KAT6B: variants seen among roughly 807,000 people sequenced by gnomAD.
The protein encoded by KAT6B is lysine acetyltransferase 6B, also known as histone acetyltransferase KAT6B.
KAT6B carries 10 observed loss-of-function variants against 187.5 expected under a neutral mutation model. The ratio of observed to expected loss-of-function variants is 0.05; its 90% CI spans 0.03 to 0.09. The LOEUF is 0.09. Among genes scored for constraint, KAT6B ranks in the 10% least tolerant of loss-of-function variants. The probability of loss-of-function intolerance (pLI) is 1.00; values close to 1 mark genes in which losing one functional copy is unlikely to be tolerated. For missense variants in KAT6B, 1,952 were observed against 2,558.9 expected (o/e 0.76, Z 5.12); for synonymous variants, 861 against 926.8 (o/e 0.93, Z 1.29).
At chr10:74,919,278 T>A (rs1847938841) in intron 3 of KAT6B, among the ~76,000 whole-genome samples, 1 of 152,208 alleles carries the variant, frequency 6.6e-6, no homozygotes, top group Non-Finnish European at 1.5e-5. Context: ...GAAGTTTTTG[T>A]ACAATATATC....
intron 3 of KAT6B, among the ~76,000 whole-genome samples, chr10:74,955,120 T>C (rs1433813147): frequency 2.6e-5 from 4 of 152,192 alleles, no homozygotes; most frequent in Non-Finnish European, 4.4e-5. Flanking sequence ...ATGTACATTC[T>C]CCCATATACT....
chr10:74,970,554 G>A (rs901054829), intron 6 of KAT6B, among the ~76,000 whole-genome samples: 2 of 152,066 alleles, frequency 1.3e-5, no homozygotes, highest in African/African-American at 2.4e-5. Flanking sequence ...TTTTGAACAC[G>A]AGCATCTGAA....
At chr10:74,890,790 T>C (rs1845595790) in intron 3 of KAT6B, among the ~76,000 whole-genome samples, 2 of 152,244 alleles carry the variant, frequency 1.3e-5, no homozygotes, top group African/African-American at 4.8e-5. Context: ...TGGTTTGATT[T>C]TTAAAATACA....
At chr10:75,020,381 T>C (rs1053168357) in intron 13 of KAT6B, among the ~76,000 whole-genome samples, 1 of 152,198 alleles carries the variant, frequency 6.6e-6, no homozygotes, top group Non-Finnish European at 1.5e-5. Flanking sequence ...TGACTTAGAG[T>C]GCCACTGTCA....
At chr10:74,883,040 T>G (rs1844972114) in intron 3 of KAT6B, among the ~76,000 whole-genome samples, 1 of 152,228 alleles carries the variant, frequency 6.6e-6, no homozygotes, top group African/African-American at 2.4e-5. Context: ...AGAGAGTGAC[T>G]CATGTACTGT....
intron 3 of KAT6B, among the ~76,000 whole-genome samples, chr10:74,858,099 C>T (rs12254441): frequency 0.25 from 38,271 of 151,622 alleles, 6,229 homozygotes; most frequent in Non-Finnish European, 0.37. Flanking sequence ...AGCTGAAGGC[C>T]GGGGGTCAAG....
intron 3 of KAT6B, among the ~76,000 whole-genome samples, chr10:74,844,433 A>T (rs1841962437): frequency 6.6e-6 from 1 of 152,220 alleles, no homozygotes; most frequent in South Asian, 2.1e-4. Flanking sequence ...TCCTGACTTC[A>T]GGTGATCCAC....
chr10:74,831,648 T>G (rs1404730393), intron 1 of KAT6B, among the ~76,000 whole-genome samples: 10 of 152,342 alleles, frequency 6.6e-5, no homozygotes, highest in African/African-American at 1.9e-4. Context: ...TCAGCCAGAT[T>G]AGATTTTACA....
Position 74,845,535 on chromosome 10 carries a change from A to C in KAT6B, c.621+2057A>C, listed in dbSNP as rs534121640. ...AGACTCTGTCTCAAAAAAAAAAAAA[A>C]AAACAAAAAAAAAAAGAAGGAAAGA... On this transcript the variant is annotated intron_variant, in intron 3 of 17. Transcript: ENST00000287239. Among the ~76,000 whole-genome samples, 34 of 149,498 alleles carry C rather than the reference A, an allele frequency of 2.3e-4. 1 individual carries two copies. In the East Asian group the frequency reaches 6.7e-3, roughly 29 times the overall value.
intron 4 of KAT6B, among the ~76,000 whole-genome samples, chr10:74,968,306 T>C (rs1471171537): frequency 3.3e-5 from 5 of 152,210 alleles, no homozygotes; most frequent in African/African-American, 4.8e-5. Context: ...TGCATCTGCC[T>C]GGGTGTCTCT....
intron 1 of KAT6B, among the ~76,000 whole-genome samples, chr10:74,835,935 A>C (rs942304300): frequency 2.6e-5 from 4 of 152,174 alleles, no homozygotes; most frequent in African/African-American, 9.6e-5. Flanking sequence ...GTTCCAAAAC[A>C]TTTTTATTGA....
chr10:74,836,785 A>G (rs974002095), intron 1 of KAT6B, among the ~76,000 whole-genome samples: 1 of 152,204 alleles, frequency 6.6e-6, no homozygotes, highest in East Asian at 1.9e-4. Context: ...TTCGGAAGAT[A>G]CTGCTTAGAT....
chr10:74,982,826 C>T (rs1165817126), intron 11 of KAT6B: 1 of 152,292 alleles, frequency 6.6e-6, no homozygotes, highest in Non-Finnish European at 1.5e-5. Context: ...TCCTCTTTCT[C>T]TGGAATATAG....
intron 6 of KAT6B, among the ~76,000 whole-genome samples, chr10:74,971,082 T>TA (rs1841821356): frequency 6.6e-6 from 1 of 152,180 alleles, no homozygotes; most frequent in African/African-American, 2.4e-5. Context: ...CCTGCTGTCT[T>TA]ACGTTCCAAT....
intron 15 of KAT6B, 119 bp downstream of exon 15, chr10:75,021,404 G>A: frequency 1.1e-6 from 1 of 896,622 alleles, no homozygotes; most frequent in South Asian, 1.4e-5. Context: ...CATGTGAAAT[G>A]ATATGGCACT....
chr10:74,990,196 CAAAAAAAAAAAAAAAAAAA>C (rs56300641), intron 13 of KAT6B, among the ~76,000 whole-genome samples: 698 of 39,478 alleles, frequency 0.018, 19 homozygotes, highest in African/African-American at 0.037. Context: ...GACTCTGTCT[CAAAAAAAAAAAAAAAAAAA>C]AAAAAAAAAA....
chr10:75,029,477 G>A lies in KAT6B; in HGVS notation c.4653G>A (p.Glu1551=), dbSNP rs1416941140. 1 of 1,614,182 alleles carries A rather than the reference G, an allele frequency of 6.2e-7. No homozygotes were observed. ...TVQAVQSLTQ[E]SSEQDDTFQD... ...AGGCCGTTCAGTCTTTGACCCAGGAGAGCAGCGAACAGGACGACACCTTTC... is the reference window on the plus strand; with the variant it reads ...AGGCCGTTCAGTCTTTGACCCAGGAAAGCAGCGAACAGGACGACACCTTTC... The change falls in exon 18 of 18, where the codon GAG becomes GAA. Residue 1551 remains glutamate (E), a synonymous_variant. Coordinates refer to ENST00000287239, the MANE Select transcript of KAT6B (RefSeq NM_012330.4). The surrounding 1 kb of genome is among the most constrained non-coding windows in gnomAD (Gnocchi z 6.2).
chr10:74,878,003 C>T (rs899565058), intron 3 of KAT6B, among the ~76,000 whole-genome samples: 1 of 151,926 alleles, frequency 6.6e-6, no homozygotes, highest in African/African-American at 2.4e-5. Context: ...TATTGAAATG[C>T]AGTCTCCCTG....
chr10:74,885,348 A>T (rs1426304443), intron 3 of KAT6B, among the ~76,000 whole-genome samples: 1 of 152,096 alleles, frequency 6.6e-6, no homozygotes, highest in East Asian at 1.9e-4. Context: ...GTCGCATGTG[A>T]TTAGTGGTTA....
Sources: allele counts gnomAD v4.1 joint callset (sites outside exome capture counted in the v4.1 genomes callset), GRCh38; gene constraint gnomAD v4.1.1; non-coding constraint Gnocchi (gnomAD v3.1); transcripts MANE v1.5; gene names NCBI Gene and HGNC (gene_info 2026-07-23, HGNC 2026-07-21).